Variants in TMC1 observed in about 807,000 individuals in gnomAD.
TMC1 encodes transmembrane channel like 1.
Under a neutral mutation model 105.8 loss-of-function variants are expected in TMC1, and 84 were observed. The ratio of observed to expected loss-of-function variants is 0.79; its 90% CI spans 0.67 to 0.95. The LOEUF is 0.95. TMC1 is among the 40% of genes least tolerant of loss of function. TMC1 has a pLI of 0.00. For synonymous variants in TMC1, 315 were observed against 311.5 expected, an observed-to-expected ratio of 1.01 and a Z score of -0.12; for missense variants, 817 against 914.1, an observed-to-expected ratio of 0.89 and a Z score of 1.37.
intron 5 of TMC1, among the ~76,000 whole-genome samples, chr9:72,650,992 T>G (rs1361961546): frequency 6.9e-6 from 1 of 145,602 alleles, no homozygotes; most frequent in Non-Finnish European, 1.5e-5. Context: ...TCTAGCTCCA[T>G]CCATGTTCCC....
chr9:72,761,923 T>G lies in TMC1; in HGVS notation c.741+7039T>G, dbSNP rs115583363. On this transcript the variant is annotated intron_variant, in intron 12 of 23. Coordinates refer to ENST00000297784, the MANE Select transcript of TMC1 (RefSeq NM_138691.3). ...TTTAGAACTATTTCAGTGGTTCGAA[T>G]GCATCTTTATTTGAAAAGGTGAATC... Among the ~76,000 whole-genome samples, 413 of 152,312 alleles carry G rather than the reference T, an allele frequency of 2.7e-3. 1 individual carries two copies. The highest frequency in any genetic ancestry group is 9.6e-3 in the African/African-American group (398 of 41,566).
chr9:72,634,107 T>C (rs1825493922), intron 4 of TMC1, among the ~76,000 whole-genome samples: 1 of 151,892 alleles, frequency 6.6e-6, no homozygotes, highest in South Asian at 2.1e-4. Flanking sequence ...AGGGAACGAG[T>C]GCTGCTGATG....
intron 17 of TMC1, among the ~76,000 whole-genome samples, chr9:72,801,749 G>A (rs1424455922): frequency 3.3e-5 from 5 of 152,206 alleles, no homozygotes; most frequent in African/African-American, 9.7e-5. Context: ...ATCCTGACAA[G>A]CACACAAGGA....
chr9:72,534,603 A>G (rs1239713080), intron 1 of TMC1, among the ~76,000 whole-genome samples: 1 of 152,192 alleles, frequency 6.6e-6, no homozygotes, highest in Admixed American at 6.5e-5. Context: ...GCATGTATAG[A>G]AAAATCCCAG....
intron 21 of TMC1, among the ~76,000 whole-genome samples, chr9:72,827,223 A>G (rs952411092): frequency 2.1e-4 from 32 of 152,176 alleles, no homozygotes; most frequent in Non-Finnish European, 4.1e-4. Flanking sequence ...CCAGGATTAT[A>G]AGATTTGTTC....
rs561346212 is a variant in TMC1 at position 72,762,314 on chromosome 9, G to T, written c.741+7430G>T. 2.6e-5 allele frequency among the ~76,000 whole-genome samples: 4 copies of T among 152,098 alleles called. No individual in the cohort carries two copies. In the South Asian group the frequency reaches 6.2e-4, roughly 24 times the overall value. ...GTGACCTCAATGTGAAAACAGTTTGGTCCACTCTGGTGGGTCCAAGGAGGT... is the reference window on the plus strand; with the variant it reads ...GTGACCTCAATGTGAAAACAGTTTGTTCCACTCTGGTGGGTCCAAGGAGGT... On this transcript the variant is annotated intron_variant, in intron 12 of 23. Transcript: ENST00000297784.
chr9:72,759,216 T>G (rs1827716791), intron 12 of TMC1, among the ~76,000 whole-genome samples: 1 of 152,086 alleles, frequency 6.6e-6, no homozygotes, highest in African/African-American at 2.4e-5. Flanking sequence ...AGACTGGAAA[T>G]GGAACCAAAT....
chr9:72,697,760 T>C (rs1826575127), intron 7 of TMC1, among the ~76,000 whole-genome samples: 1 of 152,078 alleles, frequency 6.6e-6, no homozygotes, highest in African/African-American at 2.4e-5. Flanking sequence ...TATGTAAATA[T>C]CATGAATTAT....
chr9:72,663,505 A>G (rs1825997558), intron 5 of TMC1, among the ~76,000 whole-genome samples: 1 of 152,190 alleles, frequency 6.6e-6, no homozygotes, highest in Admixed American at 6.5e-5. Flanking sequence ...AAGTTAAACT[A>G]TAAACTAAGT....
intron 6 of TMC1, 69 bp downstream of exon 6, chr9:72,688,825 C>A: frequency 7.6e-7 from 1 of 1,311,984 alleles, no homozygotes; most frequent in Non-Finnish European, 1.1e-6. Context: ...AATTTATCCT[C>A]TTGTGGACTT....
At chr9:72,749,533 C>T (rs77297604) in intron 10 of TMC1, among the ~76,000 whole-genome samples, 3,541 of 152,082 alleles carry the variant, frequency 0.023, 57 homozygotes, top group Middle Eastern at 0.051. Context: ...GATCAGATGT[C>T]CTAGGAGAAG....
chr9:72,690,169 A>G lies in TMC1; in HGVS notation c.64+1413A>G, dbSNP rs77107189. Among the ~76,000 whole-genome samples, 1,094 of 152,110 alleles carry G rather than the reference A, an allele frequency of 7.2e-3. 16 individuals carry two copies. The highest frequency in any genetic ancestry group is 0.024 in the African/African-American group (1,015 of 41,536). Reference sequence around the variant, plus strand: ...TGGGACTCATGTTCAACATCTTATAATTATAAAAGTCCTATTTTAAGTAGA... The same window carrying G: ...TGGGACTCATGTTCAACATCTTATAGTTATAAAAGTCCTATTTTAAGTAGA... On this transcript the variant is annotated intron_variant, in intron 6 of 23. Coordinates refer to ENST00000297784, the MANE Select transcript of TMC1 (RefSeq NM_138691.3).
intron 8 of TMC1, among the ~76,000 whole-genome samples, chr9:72,702,719 G>C (rs1429162961): frequency 6.6e-6 from 1 of 152,104 alleles, no homozygotes; most frequent in Non-Finnish European, 1.5e-5. Context: ...ATAAGATTTT[G>C]AGGATGCAAC....
intron 5 of TMC1, among the ~76,000 whole-genome samples, chr9:72,687,935 G>A (rs1826403709): frequency 6.6e-6 from 1 of 152,020 alleles, no homozygotes; most frequent in Non-Finnish European, 1.5e-5. Flanking sequence ...TGAACATTAA[G>A]TTGACAAAAG....
At chr9:72,642,674 A>T (rs1162141923) in intron 4 of TMC1, among the ~76,000 whole-genome samples, 1 of 152,252 alleles carries the variant, frequency 6.6e-6, no homozygotes, top group East Asian at 1.9e-4. Flanking sequence ...AAGACTCAAT[A>T]TAGGCAGAGA....
intron 3 of TMC1, among the ~76,000 whole-genome samples, chr9:72,627,589 G>A (rs371087848): frequency 1.1e-4 from 17 of 152,300 alleles, no homozygotes; most frequent in Admixed American, 9.2e-4. Flanking sequence ...AAGGATGGGC[G>A]CGGGTGGGAG....
At chr9:72,636,479 T>C (rs1825535744) in intron 4 of TMC1, among the ~76,000 whole-genome samples, 1 of 151,952 alleles carries the variant, frequency 6.6e-6, no homozygotes. Flanking sequence ...GGAGGATCAC[T>C]TGAGGTCAGG....
chr9:72,661,756 C>T (rs912730410), intron 5 of TMC1, among the ~76,000 whole-genome samples: 3 of 151,116 alleles, frequency 2.0e-5, no homozygotes, highest in African/African-American at 7.4e-5. Context: ...CTTTTTAAAA[C>T]AAATTTTTGA....
At chr9:72,683,503 C>T (rs1046842408) in intron 5 of TMC1, among the ~76,000 whole-genome samples, 2 of 149,060 alleles carry the variant, frequency 1.3e-5, no homozygotes, top group African/African-American at 2.5e-5. Context: ...AAGAATGCTG[C>T]CTTTTAAAGA....
Sources: allele counts gnomAD v4.1 joint callset (sites outside exome capture counted in the v4.1 genomes callset), GRCh38; gene constraint gnomAD v4.1.1; transcripts MANE v1.5; gene names NCBI Gene and HGNC (gene_info 2026-07-23, HGNC 2026-07-21).